The following PSPH variants were observed in gnomAD, a reference collection of about 807,000 sequenced individuals.
The protein encoded by PSPH is phosphoserine phosphatase, also known as L-3-phosphoserine phosphatase.
PSPH carries 16 observed loss-of-function variants against 23.4 expected under a neutral mutation model. The ratio of observed to expected loss-of-function variants is 0.68; its 90% confidence interval spans 0.46 to 1.04. The LOEUF (loss-of-function observed/expected upper bound fraction) is 1.04. PSPH is among the 50% of genes least tolerant of loss of function. The pLI, the probability that PSPH is intolerant of heterozygous loss-of-function variation, is 0.00. For missense variants in PSPH, 223 were observed against 273.7 expected, an observed-to-expected ratio of 0.81 and a Z score of 1.31; for synonymous variants, 68 against 99.7, an observed-to-expected ratio of 0.68 and a Z score of 1.89.
intron 7 of PSPH, among the ~76,000 whole-genome samples, chr7:56,014,508 TTTTTA>T (rs1436120212): frequency 6.6e-6 from 1 of 152,196 alleles, no homozygotes; most frequent in Non-Finnish European, 1.5e-5. Context: ...AAATCAGCTG[TTTTTA>T]TTTTATTTTA....
At chr7:56,016,249 C>T (rs1788537623) in intron 6 of PSPH, among the ~76,000 whole-genome samples, 1 of 150,572 alleles carries the variant, frequency 6.6e-6, no homozygotes, top group Non-Finnish European at 1.5e-5. Context: ...AAAAAAAATA[C>T]AAAAATTAGC....
At position 56,045,957 on chromosome 7, in the gene PSPH, C is replaced by T. The variant is rs372380698; in HGVS notation, c.-292+5181G>A. 1.3e-4 allele frequency among the ~76,000 whole-genome samples: 19 copies of T among 150,972 alleles called. 1 individual carries two copies. The highest frequency in any genetic ancestry group is 3.4e-3 in the Middle Eastern group (1 of 292). On this transcript the variant is annotated intron_variant, in intron 1 of 7. Transcript: ENST00000275605. ...ACAAAGAACTTTATTGCTTACAGCA[C>T]AGCAAGCAGTGTGGGCAGTAGGATA...
intron 7 of PSPH, among the ~76,000 whole-genome samples, chr7:56,013,840 C>T (rs1788253468): frequency 6.6e-6 from 1 of 152,150 alleles, no homozygotes. Context: ...AAGAACACAA[C>T]ATTTGGCCAG....
intron 5 of PSPH, among the ~76,000 whole-genome samples, chr7:56,018,142 G>C (rs191121449): frequency 2.0e-5 from 3 of 152,014 alleles, no homozygotes; most frequent in East Asian, 2.0e-4. Context: ...TCAGGCATTC[G>C]AGACCAGCCT....
chr7:56,021,334 G>T, intron 3 of PSPH, 103 bp from the exon 4 acceptor site: 1 of 1,146,804 alleles, frequency 8.7e-7, no homozygotes, highest in Non-Finnish European at 1.3e-6. Context: ...AGTCAGTGCA[G>T]GCCACATAAG....
intron 1 of PSPH, among the ~76,000 whole-genome samples, chr7:56,047,206 T>C (rs1242008031): frequency 6.6e-6 from 1 of 150,736 alleles, no homozygotes; most frequent in African/African-American, 2.4e-5. Context: ...CAACATAGCA[T>C]GACCTTCTCT....
intron 3 of PSPH, among the ~76,000 whole-genome samples, chr7:56,030,265 A>G (rs1420205423): frequency 2.0e-5 from 3 of 151,900 alleles, no homozygotes; most frequent in African/African-American, 7.3e-5. Flanking sequence ...GTGCGCCACC[A>G]CACCCAGGTA....
chr7:56,032,565 C>A (rs1055858173), intron 2 of PSPH, among the ~76,000 whole-genome samples: 3 of 82,164 alleles, frequency 3.7e-5, no homozygotes, highest in African/African-American at 1.1e-4. Context: ...GAGGCTGAGG[C>A]AGGAGAATGG....
intron 1 of PSPH, 113 bp from the exon 2 acceptor site, chr7:56,034,219 G>A (rs1791411771): frequency 6.6e-6 from 1 of 152,310 alleles, no homozygotes; most frequent in African/African-American, 2.4e-5. Flanking sequence ...CCCCGCCCCA[G>A]GGGAGGGGCT....
intron 1 of PSPH, among the ~76,000 whole-genome samples, chr7:56,038,315 C>T (rs866582304): frequency 1.3e-5 from 2 of 149,344 alleles, no homozygotes; most frequent in East Asian, 2.0e-4. Context: ...AAAAATTAGC[C>T]GGGCGTAGTG....
intron 3 of PSPH, among the ~76,000 whole-genome samples, chr7:56,027,211 C>CAAAAAAAA (rs11322718): frequency 2.6e-5 from 3 of 115,430 alleles, no homozygotes; most frequent in African/African-American, 3.6e-5. Context: ...GTCTCAAAAA[C>CAAAAAAAA]AAAAAAAAAA....
At chr7:56,047,307 A>T (rs534130267) in intron 1 of PSPH, among the ~76,000 whole-genome samples, 1 of 151,934 alleles carries the variant, frequency 6.6e-6, no homozygotes, top group East Asian at 1.9e-4. Context: ...TAGGAAGCTG[A>T]GCCCAGGAGG....
intron 1 of PSPH, among the ~76,000 whole-genome samples, chr7:56,038,333 C>A (rs1158920228): frequency 6.6e-6 from 1 of 150,992 alleles, no homozygotes; most frequent in Non-Finnish European, 1.5e-5. Flanking sequence ...GTGGTGGGCG[C>A]CTGCAGTCCC....
At chr7:56,018,330 G>A (rs1365488739) in intron 5 of PSPH, among the ~76,000 whole-genome samples, 12 of 151,548 alleles carry the variant, frequency 7.9e-5, no homozygotes, top group Non-Finnish European at 1.8e-4. Flanking sequence ...GCAACAGTGC[G>A]AGACTCTGTC....
At chr7:56,033,485 G>A (rs538022057) in intron 2 of PSPH, 4 of 146,078 alleles carry the variant, frequency 2.7e-5, no homozygotes, top group East Asian at 2.0e-4. Context: ...GCGACAGAAC[G>A]AGACTCTGTC....
chr7:56,016,286 C>G (rs537366773), intron 6 of PSPH, among the ~76,000 whole-genome samples: 1 of 151,310 alleles, frequency 6.6e-6, no homozygotes, highest in East Asian at 2.0e-4. Context: ...CACCTGTAAT[C>G]CCAGCTACTT....
In PSPH at chr7:56,014,131, A is replaced by AAAAAC. The variant is rs562687435; in HGVS notation, c.570+887_570+891dup. 1.9e-3 allele frequency among the ~76,000 whole-genome samples: 284 copies of AAAAAC among 152,312 alleles called. 5 individuals are homozygous for AAAAAC. The highest frequency in any genetic ancestry group is 3.4e-3 in the Middle Eastern group (1 of 294). Reference sequence around the variant, plus strand: ...GTGACAGAGTGAGACTCTATCTAAGAAAAACAAAACAAAACATAATATTTG... The same window carrying AAAAAC: ...GTGACAGAGTGAGACTCTATCTAAGAAAAACAAAACAAAACAAAACATAATATTTG... On this transcript the variant is annotated intron_variant, in intron 7 of 7. Transcript: ENST00000275605.
At chr7:56,027,549 A>G (rs1790375831) in intron 3 of PSPH, among the ~76,000 whole-genome samples, 1 of 151,018 alleles carries the variant, frequency 6.6e-6, no homozygotes, top group Non-Finnish European at 1.5e-5. Flanking sequence ...AAGTACAAAA[A>G]TTAGTCAGGT....
chr7:56,014,388 G>C (rs1441996956), intron 7 of PSPH, among the ~76,000 whole-genome samples: 1 of 151,936 alleles, frequency 6.6e-6, no homozygotes, highest in African/African-American at 2.4e-5. Context: ...ACTTTTCTTG[G>C]GTTTGCACAA....
Sources: gnomAD v4.1 joint callset for allele counts (sites outside exome capture counted in the v4.1 genomes callset) on GRCh38, gnomAD v4.1.1 for gene constraint, MANE v1.5 for transcripts, NCBI Gene and HGNC (gene_info 2026-07-23, HGNC 2026-07-21) for gene names.